The following CORO2A variants were observed in gnomAD, a reference collection of about 807,000 sequenced individuals.
CORO2A encodes coronin-2A.
CORO2A carries 47 observed loss-of-function variants against 62.4 expected under a neutral mutation model. The observed-to-expected ratio is 0.75, with a 90% CI of 0.60 to 0.96. The LOEUF (loss-of-function observed/expected upper bound fraction) is 0.96, where lower values mean the gene tolerates loss of function less well. Ranked by LOEUF, CORO2A falls within the 40% of genes least tolerant of loss-of-function variation. The pLI, the probability that CORO2A is intolerant of heterozygous loss-of-function variation, is 0.00. For synonymous variants in CORO2A, 273 were observed against 268.9 expected (o/e 1.02, Z -0.15); for missense variants, 610 against 684.1 (o/e 0.89, Z 1.21).
intron 1 of CORO2A, among the ~76,000 whole-genome samples, chr9:98,187,816 C>A (rs927636582): frequency 2.6e-5 from 4 of 152,152 alleles, no homozygotes; most frequent in Non-Finnish European, 5.9e-5. Context: ...GGAATCACAC[C>A]AATATTCAAA....
Position 98,133,059 on chromosome 9 carries a change from G to A in CORO2A, c.627C>T (p.Pro209=), listed in dbSNP as rs143085295. ...CKDRKIRVID[P]RAGTVLQEAS... ...TGACCTGGAGGACGGTCCCTGCTCG[G>A]GGGTCAATAACCCGAATCTTGCGGT... Residue 209 remains proline, a synonymous_variant, in exon 5 of 12, where the codon CCC becomes CCT. Transcript: ENST00000375077. 3,348 of 1,614,230 alleles carry A rather than the reference G, an allele frequency of 2.1e-3. 5 individuals are homozygous for A. The highest frequency in any genetic ancestry group is 2.5e-3 in the Non-Finnish European group (2,986 of 1,180,034).
intron 7 of CORO2A, among the ~76,000 whole-genome samples, chr9:98,130,621 G>C (rs1391711199): frequency 2.6e-5 from 4 of 152,238 alleles, no homozygotes. Flanking sequence ...CTTGGCACTG[G>C]TGGGCAGGGG....
chr9:98,161,006 T>C (rs73498748), intron 1 of CORO2A, among the ~76,000 whole-genome samples: 13,046 of 152,268 alleles, frequency 0.086, 940 homozygotes, highest in African/African-American at 0.2. Context: ...TCAGGAACCA[T>C]GTGTAGCAGA....
rs760636423 is a variant in CORO2A at position 98,128,235 on chromosome 9, T to C, written c.1106A>G (p.Tyr369Cys). ...GGGCTGGGCCCCTGCTGTTGGAGGG[T>C]ATATGTCCTCTTGGTAGGATTCTGA... ...RRSESYQEDI[Y>C]PPTAGAQPSL... The change falls in exon 10 of 12, where the codon TAC (tyrosine) becomes TGC (cysteine). Residue 369 changes from tyrosine (Y) to cysteine (C), a missense_variant. Tyr to Cys is a radical substitution (Grantham distance 194). Transcript: ENST00000375077. 1.2e-6 allele frequency: 2 copies of C among 1,611,058 alleles called. No individual in the cohort carries two copies. Among genetic ancestry groups the C allele is most frequent in the Non-Finnish European group, 1.7e-6 (2 of 1,178,522 alleles).
At position 98,157,388 on chromosome 9, in the gene CORO2A, C is replaced by G. The variant is rs779506924; in HGVS notation, c.201+72G>C. 4.8e-6 allele frequency: 7 copies of G among 1,454,732 alleles called. No homozygotes were observed. The African/African-American group carries it at 9.8e-5, about 20-fold the overall frequency. 90.1% of individuals were successfully genotyped at this position (1,454,732 alleles called of 1,614,324 possible). A position where few individuals can be genotyped will look rare whatever the true frequency, so the allele number is the denominator to read the frequency against. ...GGCAGGGCTAGGACTTTCTAGAAAC[C>G]CAGGCTCTTTCCACTTTCCCTCTGT... On this transcript the variant is annotated intron_variant, in intron 2 of 11. Coordinates refer to ENST00000375077, the MANE Select transcript of CORO2A (RefSeq NM_052820.4).
At chr9:98,143,171 C>T (rs1311778785) in intron 2 of CORO2A, among the ~76,000 whole-genome samples, 1 of 152,248 alleles carries the variant, frequency 6.6e-6, no homozygotes, top group East Asian at 1.9e-4. Context: ...GGAGAGGCAT[C>T]ACCTCCAAGT....
intron 1 of CORO2A, among the ~76,000 whole-genome samples, chr9:98,175,419 C>A (rs56274862): frequency 0.012 from 1,857 of 152,310 alleles, 31 homozygotes; most frequent in African/African-American, 0.042. Context: ...CACCAACTCC[C>A]ACTGGGCTTC....
At chr9:98,151,252 A>T (rs568053216) in intron 2 of CORO2A, among the ~76,000 whole-genome samples, 1 of 152,232 alleles carries the variant, frequency 6.6e-6, no homozygotes, top group African/African-American at 2.4e-5. Flanking sequence ...CTAAGGAAAA[A>T]ATAGGCTTGG....
intron 2 of CORO2A, among the ~76,000 whole-genome samples, chr9:98,154,329 G>GTATATATATATATATGTATATATA (rs1554744991): frequency 3.4e-5 from 3 of 88,962 alleles, no homozygotes; most frequent in African/African-American, 1.6e-4. Context: ...GTGTTTGTGT[G>GTATATATATATATATGTATATATA]TATATATATA....
intron 4 of CORO2A, among the ~76,000 whole-genome samples, chr9:98,133,554 G>C (rs986456504): frequency 2.0e-5 from 3 of 152,204 alleles, no homozygotes; most frequent in Non-Finnish European, 4.4e-5. Context: ...CAACAGGGCT[G>C]TATGTTTAGC....
rs560772730 is a variant in CORO2A at position 98,151,878 on chromosome 9, G to A, written c.201+5582C>T. 2.5e-3 allele frequency among the ~76,000 whole-genome samples: 369 copies of A among 146,030 alleles called. 4 individuals carry two copies. Among genetic ancestry groups the A allele is most frequent in the African/African-American group, 9.2e-3 (358 of 39,034 alleles). On this transcript the variant is annotated intron_variant, in intron 2 of 11. Coordinates refer to ENST00000375077, the MANE Select transcript of CORO2A (RefSeq NM_052820.4). ...GTCGCCCAGGCTGGAGTACAGTGGC[G>A]CGATCTCGACTCACTGCAAGCTCTG...
chr9:98,161,968 G>A (rs1159443420), intron 1 of CORO2A, among the ~76,000 whole-genome samples: 4 of 152,180 alleles, frequency 2.6e-5, no homozygotes, highest in Admixed American at 6.5e-5. Context: ...TGAGAGGCCT[G>A]GGCAACACCT....
intron 1 of CORO2A, among the ~76,000 whole-genome samples, chr9:98,188,904 G>A (rs761059217): frequency 2.0e-5 from 3 of 152,144 alleles, no homozygotes; most frequent in Admixed American, 6.5e-5. Flanking sequence ...AAGCACTTAG[G>A]ACAGAATTAG....
intron 2 of CORO2A, among the ~76,000 whole-genome samples, chr9:98,138,578 T>C (rs527264251): frequency 6.6e-6 from 1 of 152,316 alleles, no homozygotes; most frequent in African/African-American, 2.4e-5. Flanking sequence ...AATGAAGTAC[T>C]GGTCCCTGCT....
At chr9:98,128,776 G>T (rs554370823) in intron 8 of CORO2A, 57 bp from the exon 9 acceptor site, 1 of 1,450,578 alleles carries the variant, frequency 6.9e-7, no homozygotes, top group Non-Finnish European at 9.7e-7. Flanking sequence ...CACAGTGTTA[G>T]GGCCAAAGCC....
intron 1 of CORO2A, among the ~76,000 whole-genome samples, chr9:98,168,665 G>T (rs10985279): frequency 6.6e-6 from 1 of 152,172 alleles, no homozygotes; most frequent in African/African-American, 2.4e-5. Context: ...TTCAAAAGAC[G>T]TTGGCTAGTA....
chr9:98,171,716 C>A (rs562208195), intron 1 of CORO2A, among the ~76,000 whole-genome samples: 1 of 152,056 alleles, frequency 6.6e-6, no homozygotes, highest in South Asian at 2.1e-4. Context: ...CTAGGTCATG[C>A]CTGTCTGTGG....
At chr9:98,171,737 T>C (rs531128909) in intron 1 of CORO2A, among the ~76,000 whole-genome samples, 3 of 150,046 alleles carry the variant, frequency 2.0e-5, no homozygotes, top group African/African-American at 7.4e-5. Flanking sequence ...TGTGCGGAGA[T>C]GGAGCCAGGA....
intron 1 of CORO2A, among the ~76,000 whole-genome samples, chr9:98,186,764 G>A (rs1828242794): frequency 6.6e-6 from 1 of 152,108 alleles, no homozygotes; most frequent in Non-Finnish European, 1.5e-5. Flanking sequence ...ATTAGATGGT[G>A]GTAAGAAGTG....
Sources: allele counts gnomAD v4.1 joint callset (sites outside exome capture counted in the v4.1 genomes callset), GRCh38; gene constraint gnomAD v4.1.1; transcripts MANE v1.5; gene names NCBI Gene and HGNC (gene_info 2026-07-23, HGNC 2026-07-21).